Variants in SLC6A6 observed in about 807,000 individuals in gnomAD.
SLC6A6 encodes solute carrier family 6 member 6.
SLC6A6 carries 16 observed loss-of-function variants against 68.8 expected under a neutral mutation model. The observed-to-expected ratio is 0.23, with a 90% confidence interval of 0.16 to 0.35. SLC6A6 has a LOEUF of 0.35. Among genes scored for constraint, SLC6A6 ranks in the 10% least tolerant of loss-of-function variants. The pLI is 1.00. For synonymous variants in SLC6A6, 312 were observed against 315.4 expected (o/e 0.99, Z 0.12); for missense variants, 474 against 802.8 (o/e 0.59, Z 4.95).
intron 2 of SLC6A6, among the ~76,000 whole-genome samples, chr3:14,427,900 C>A (rs542469443): frequency 1.4e-4 from 22 of 152,288 alleles, no homozygotes; most frequent in African/African-American, 5.1e-4. Flanking sequence ...TTAGCAGGTG[C>A]CACCATCCCA....
intron 9 of SLC6A6, among the ~76,000 whole-genome samples, chr3:14,470,004 A>G (rs916284017): frequency 3.3e-5 from 5 of 152,162 alleles, no homozygotes; most frequent in Admixed American, 2.0e-4. Context: ...GAGTTTGGCA[A>G]TTAGAGTGGT....
intron 2 of SLC6A6, among the ~76,000 whole-genome samples, chr3:14,440,932 C>T (rs1228859345): frequency 6.6e-6 from 1 of 152,144 alleles, no homozygotes; most frequent in East Asian, 1.9e-4. Context: ...TGTTGAAAAC[C>T]CCCACCCCCA....
rs76984066 is a variant in SLC6A6 at position 14,472,901 on chromosome 3, G to T, written c.1209+584G>T. Among the ~76,000 whole-genome samples, 1 of 152,226 alleles carries T rather than the reference G, an allele frequency of 6.6e-6. No individual in the cohort carries two copies. Among genetic ancestry groups the T allele is most frequent in the Non-Finnish European group, 1.5e-5 (1 of 68,046 alleles). The stretch of plus-strand genomic sequence containing the variant: ...GGCTCCCTCCCGTGCTTTATACACC[G>T]CACAGGCCGGGAGCCTCGCTCAAAC... On this transcript the variant is annotated intron_variant, in intron 10 of 14. Transcript: ENST00000622186. The surrounding 1 kb of genome is among the most constrained non-coding windows in gnomAD (Gnocchi z 4.5).
Position 14,486,108 on chromosome 3 carries a change from T to TG in SLC6A6, c.*1105dup, listed in dbSNP as rs1321983057. On this transcript the variant is annotated 3_prime_UTR_variant, in exon 15 of 15. Coordinates refer to ENST00000622186, the MANE Select transcript of SLC6A6 (RefSeq NM_003043.6). ...ACCTGTTGAGGGACTAGGGGAGTGG[T>TG]GGGGAGGTGAGTGGACCAAAGGATA... 6.6e-6 allele frequency: 1 copy of TG among 152,482 alleles called. No individual in the cohort carries two copies. Among genetic ancestry groups the TG allele is most frequent in the Middle Eastern group, 3.2e-3 (1 of 316 alleles). 9.4% of individuals were successfully genotyped at this position (152,482 alleles called of 1,614,324 possible).
chr3:14,452,278 G>A (rs1330505959), intron 5 of SLC6A6, among the ~76,000 whole-genome samples: 1 of 152,138 alleles, frequency 6.6e-6, no homozygotes, highest in Non-Finnish European at 1.5e-5. Flanking sequence ...ACCTCTCCAC[G>A]CCCTCTTCTC....
chr3:14,440,971 A>G (rs1051611376), intron 2 of SLC6A6, among the ~76,000 whole-genome samples: 1 of 152,126 alleles, frequency 6.6e-6, no homozygotes, highest in African/African-American at 2.4e-5. Context: ...TGGTGGGACG[A>G]TGGGGTCCTG....
intron 3 of SLC6A6, chr3:14,444,877 C>T: frequency 6.6e-6 from 3 of 455,150 alleles, no homozygotes; most frequent in Non-Finnish European, 1.3e-5. Flanking sequence ...GTAGGATCCC[C>T]TGCCCCAATG....
chr3:14,423,458 G>T (rs1174349007), intron 2 of SLC6A6, among the ~76,000 whole-genome samples: 1 of 152,188 alleles, frequency 6.6e-6, no homozygotes, highest in African/African-American at 2.4e-5. Flanking sequence ...TGGGTAGAAG[G>T]AAGCTGTTTG....
intron 2 of SLC6A6, among the ~76,000 whole-genome samples, chr3:14,424,110 A>G (rs1699538590): frequency 6.6e-6 from 1 of 152,186 alleles, no homozygotes; most frequent in African/African-American, 2.4e-5. Flanking sequence ...GGCCCCAGCA[A>G]GAGTGTTTGA....
chr3:14,403,555 T>TGATA (rs1217955197), intron 1 of SLC6A6, among the ~76,000 whole-genome samples: 2 of 151,302 alleles, frequency 1.3e-5, no homozygotes, highest in Non-Finnish European at 2.9e-5. Flanking sequence ...TGGGGAGAGG[T>TGATA]GATAGGGCAG....
At chr3:14,473,607 G>A (rs1700804206) in intron 10 of SLC6A6, among the ~76,000 whole-genome samples, 1 of 152,202 alleles carries the variant, frequency 6.6e-6, no homozygotes, top group Non-Finnish European at 1.5e-5. Flanking sequence ...AAGGTCAAGA[G>A]CAGAGCAGGG....
At chr3:14,410,661 A>G (rs1699232270) in intron 1 of SLC6A6, among the ~76,000 whole-genome samples, 1 of 152,242 alleles carries the variant, frequency 6.6e-6, no homozygotes, top group African/African-American at 2.4e-5. Context: ...TTCTGCTCAC[A>G]TCGGGTCCTT....
At chr3:14,421,010 T>A (rs992605499) in intron 2 of SLC6A6, among the ~76,000 whole-genome samples, 1 of 152,210 alleles carries the variant, frequency 6.6e-6, no homozygotes, top group African/African-American at 2.4e-5. Flanking sequence ...TGCACGTGTT[T>A]GAGATGCTGC....
At chr3:14,431,813 A>G (rs1168027152) in intron 2 of SLC6A6, among the ~76,000 whole-genome samples, 1 of 152,200 alleles carries the variant, frequency 6.6e-6, no homozygotes, top group East Asian at 1.9e-4. Context: ...GGAGGTAGGA[A>G]GGAAGAAGAA....
chr3:14,471,154 G>GTTTTTTTTTTTTTTTTTTTTTT (rs1574961325), intron 9 of SLC6A6, among the ~76,000 whole-genome samples: 1 of 37,360 alleles, frequency 2.7e-5, no homozygotes, highest in Non-Finnish European at 6.1e-5. Flanking sequence ...TTTTTTTTTA[G>GTTTTTTTTTTTTTTTTTTTTTT]TTGTAGATTT....
At chr3:14,416,311 C>A in intron 1 of SLC6A6, 101 bp from the exon 2 acceptor site, 1 of 397,934 alleles carries the variant, frequency 2.5e-6, no homozygotes, top group East Asian at 3.6e-5. Context: ...CCAGCACACA[C>A]GTCTGGTGGT....
chr3:14,457,869 G>A, intron 5 of SLC6A6, 81 bp from the exon 6 acceptor site: 1 of 1,414,454 alleles, frequency 7.1e-7, no homozygotes, highest in Non-Finnish European at 9.9e-7. Flanking sequence ...TTGACCCCCA[G>A]CCTGTTAATG....
intron 6 of SLC6A6, among the ~76,000 whole-genome samples, chr3:14,459,362 G>C (rs1700443030): frequency 6.6e-6 from 1 of 152,228 alleles, no homozygotes; most frequent in African/African-American, 2.4e-5. Flanking sequence ...CAAAATCATA[G>C]ATTTGTAGAG....
chr3:14,480,966 C>T (rs1700993235), intron 13 of SLC6A6, among the ~76,000 whole-genome samples: 2 of 152,204 alleles, frequency 1.3e-5, no homozygotes, highest in African/African-American at 4.8e-5. Context: ...GTGCCCAGGC[C>T]CCTGCTGCTG....
Sources: allele counts gnomAD v4.1 joint callset (sites outside exome capture counted in the v4.1 genomes callset), GRCh38; gene constraint gnomAD v4.1.1; non-coding constraint Gnocchi (gnomAD v3.1); transcripts MANE v1.5; gene names NCBI Gene and HGNC (gene_info 2026-07-23, HGNC 2026-07-21).